The following RAB37 variants were observed in gnomAD, a reference collection of about 807,000 sequenced individuals.
RAB37 encodes the protein ras-related protein Rab-37.
RAB37 carries 29 observed loss-of-function variants against 33.1 expected under a neutral mutation model. That is an observed-to-expected ratio of 0.88 (90% CI 0.65 to 1.20). The LOEUF is 1.20. RAB37 is among the 50% of genes most tolerant of loss of function. The probability of loss-of-function intolerance (pLI) is 0.00; values close to 1 mark genes in which losing one functional copy is unlikely to be tolerated. For missense variants in RAB37, 299 were observed against 301.1 expected, an observed-to-expected ratio of 0.99 and a Z score of 0.05; for synonymous variants, 128 against 119.5, an observed-to-expected ratio of 1.07 and a Z score of -0.47.
chr17:74,720,757 T>G (rs2034228444), intron 1 of RAB37, among the ~76,000 whole-genome samples: 1 of 152,118 alleles, frequency 6.6e-6, no homozygotes, highest in Non-Finnish European at 1.5e-5. Flanking sequence ...AGAGCCAGGG[T>G]GACAGCCTTT....
At chr17:74,728,470 A>G (rs2034335295) in intron 1 of RAB37, among the ~76,000 whole-genome samples, 1 of 148,462 alleles carries the variant, frequency 6.7e-6, no homozygotes, top group East Asian at 2.0e-4. Flanking sequence ...CTGTGTCTGT[A>G]TACGTGTGTT....
intron 2 of RAB37, among the ~76,000 whole-genome samples, chr17:74,731,455 C>T (rs1442288054): frequency 6.6e-6 from 1 of 152,194 alleles, no homozygotes; most frequent in African/African-American, 2.4e-5. Context: ...CCAGGCCCAT[C>T]GCCTTCTGGA....
rs200538257 is a variant in RAB37 at position 74,744,959 on chromosome 17, G to A, written c.489+30G>A. On this transcript the variant is annotated intron_variant, in intron 7 of 8. Coordinates refer to ENST00000392613, the MANE Select transcript of RAB37 (RefSeq NM_001006638.3). This position sits in a 1 kb window ranked among gnomAD's most constrained non-coding sequence, Gnocchi z 4.2. ...GTGATTGTCTGTGGGACAGGGTGAAGGGTGGGGGCAACCCGACGCTGGCCC... is the reference window on the plus strand; with the variant it reads ...GTGATTGTCTGTGGGACAGGGTGAAAGGTGGGGGCAACCCGACGCTGGCCC... 1 of 1,614,250 alleles carries A rather than the reference G, an allele frequency of 6.2e-7. No individual in the cohort carries two copies. The highest frequency in any genetic ancestry group is 2.2e-5 in the East Asian group (1 of 44,888).
Position 74,740,830 on chromosome 17 carries a change from GGCCTTCCTGTCC to G in RAB37, c.158_169del (p.Ala53_Ser56del). ...GTTTCCTGATCCAATTCAAAGACGGGGCCTTCCTGTCCGGAACCTTCATAGCCACCGTCGGCA... is the reference window on the plus strand; with the variant it reads ...GTTTCCTGATCCAATTCAAAGACGGGGGAACCTTCATAGCCACCGTCGGCA... On this transcript the variant is annotated inframe_deletion, in exon 2 of 9. Transcript: ENST00000392613. 6.2e-7 allele frequency: 1 copy of G among 1,614,126 alleles called. No homozygotes were observed. The highest frequency in any genetic ancestry group is 8.5e-7 in the Non-Finnish European group (1 of 1,180,010).
At chr17:74,680,765 A>T (rs549489052) in intron 1 of RAB37, among the ~76,000 whole-genome samples, 15 of 152,038 alleles carry the variant, frequency 9.9e-5, no homozygotes, top group Non-Finnish European at 4.4e-5. Flanking sequence ...CCTGGACTTG[A>T]CCTGGTTATG....
chr17:74,714,824 T>C (rs757369101), intron 1 of RAB37, among the ~76,000 whole-genome samples: 1 of 152,026 alleles, frequency 6.6e-6, no homozygotes, highest in Non-Finnish European at 1.5e-5. Flanking sequence ...ACTGGGGATA[T>C]AAAAGGATTA....
intron 1 of RAB37, among the ~76,000 whole-genome samples, chr17:74,699,645 C>T (rs1254605824): frequency 6.6e-6 from 1 of 152,086 alleles, no homozygotes; most frequent in Non-Finnish European, 1.5e-5. Flanking sequence ...TCCCTTTGAG[C>T]CCCCAGGGTG....
chr17:74,716,267 T>A (rs1012065791), intron 1 of RAB37, among the ~76,000 whole-genome samples: 9 of 152,230 alleles, frequency 5.9e-5, no homozygotes, highest in Admixed American at 1.3e-4. Context: ...AGATTCTCCC[T>A]GCTCTAACGC....
Position 74,676,918 on chromosome 17 carries a change from T to C in RAB37, c.72+5260T>C, listed in dbSNP as rs749106459. Among the ~76,000 whole-genome samples the C allele has an allele frequency of 6.6e-6, 1 of 152,078 alleles. No homozygotes were observed. The highest frequency in any genetic ancestry group is 1.5e-5 in the Non-Finnish European group (1 of 68,008). On this transcript the variant is annotated intron_variant, in intron 1 of 7. Transcript: ENST00000340415. This position sits in a 1 kb window ranked among gnomAD's most constrained non-coding sequence, Gnocchi z 4.1. ...CTGTAATCCCAGCACTTTGGGAGGCTGAGGCAGGTGGATCATGAGGTCAGG... is the reference window on the plus strand; with the variant it reads ...CTGTAATCCCAGCACTTTGGGAGGCCGAGGCAGGTGGATCATGAGGTCAGG...
upstream of RAB37, chr17:74,736,498 G>T (rs557449316): frequency 2.1e-6 from 3 of 1,405,478 alleles, no homozygotes; most frequent in South Asian, 3.0e-5. Flanking sequence ...AATTTATTTG[G>T]CTCCTCCTCG....
At position 74,724,800 on chromosome 17, in the gene RAB37, A is replaced by G. The variant is rs535010378; in HGVS notation, c.73-4456A>G. On this transcript the variant is annotated intron_variant, in intron 1 of 7. Transcript: ENST00000340415. ...TTAGGGTGGGGCAGAAACAAATCAC[A>G]ATGGTGGAATGTGATCAGTTAAGGC... Among the ~76,000 whole-genome samples the G allele has an allele frequency of 4.5e-3, 678 of 152,286 alleles. 4 individuals carry two copies. Among genetic ancestry groups the G allele is most frequent in the African/African-American group, 0.015 (619 of 41,556 alleles).
chr17:74,735,129 AAG>A (rs1177447935), upstream of RAB37, among the ~76,000 whole-genome samples: 1 of 150,024 alleles, frequency 6.7e-6, no homozygotes, highest in Non-Finnish European at 1.5e-5. Context: ...CAAAGAAAGA[AAG>A]AAGAGAGAGA....
At chr17:74,687,212 A>AT (rs998139025) in intron 1 of RAB37, among the ~76,000 whole-genome samples, 2 of 150,756 alleles carry the variant, frequency 1.3e-5, no homozygotes, top group African/African-American at 2.4e-5. Context: ...TATTTATTTT[A>AT]TTTTTATTTA....
intron 1 of RAB37, among the ~76,000 whole-genome samples, chr17:74,718,889 T>C (rs1212841692): frequency 6.6e-6 from 1 of 152,160 alleles, no homozygotes; most frequent in Non-Finnish European, 1.5e-5. Context: ...CATGTATGAG[T>C]TTGCTTTACC....
chr17:74,716,857 G>A (rs943556238), intron 1 of RAB37, among the ~76,000 whole-genome samples: 9 of 152,216 alleles, frequency 5.9e-5, no homozygotes, highest in African/African-American at 1.7e-4. Context: ...TTCCTGGCCG[G>A]GTGCAGTGGC....
At chr17:74,713,899 C>CAA (rs55993385) in intron 1 of RAB37, among the ~76,000 whole-genome samples, 12 of 51,204 alleles carry the variant, frequency 2.3e-4, no homozygotes, top group South Asian at 1.3e-3. Flanking sequence ...TTCATCTCCA[C>CAA]AAAAAAAAAA....
upstream of RAB37, among the ~76,000 whole-genome samples, chr17:74,733,862 C>T (rs898782249): frequency 1.3e-5 from 2 of 152,004 alleles, no homozygotes; most frequent in South Asian, 2.1e-4. Context: ...GGACAGTGTA[C>T]GCACCCTCCA....
Position 74,746,215 on chromosome 17 carries a change from G to A in RAB37, c.*804G>A, listed in dbSNP as rs2034756177. The A allele has an allele frequency of 6.6e-6, 1 of 152,108 alleles. No individual in the cohort carries two copies. The highest frequency in any genetic ancestry group is 2.4e-5 in the African/African-American group (1 of 41,388). 9.4% of individuals were successfully genotyped at this position (152,108 alleles called of 1,614,324 possible). A position where few individuals can be genotyped will look rare whatever the true frequency, so the allele number is the denominator to read the frequency against. On this transcript the variant is annotated 3_prime_UTR_variant, in exon 9 of 9. Coordinates refer to ENST00000392613, the MANE Select transcript of RAB37 (RefSeq NM_001006638.3). The surrounding 1 kb of genome is among the most constrained non-coding windows in gnomAD (Gnocchi z 5.2). ...CCTAAAAACCTCAGGTCAGAACTAG[G>A]AAAAGAGTTTTGTTTTTATTTTTTT...
chr17:74,695,937 C>A (rs550576411), intron 1 of RAB37: 1 of 1,511,254 alleles, frequency 6.6e-7, no homozygotes, highest in Non-Finnish European at 9.0e-7. Flanking sequence ...TGGGACGGGA[C>A]GAGAGCCTCT....
Sources: allele counts gnomAD v4.1 joint callset (sites outside exome capture counted in the v4.1 genomes callset), GRCh38; gene constraint gnomAD v4.1.1; non-coding constraint Gnocchi (gnomAD v3.1); transcripts MANE v1.5; gene names NCBI Gene and HGNC (gene_info 2026-07-23, HGNC 2026-07-21).